PRR16: variants seen among roughly 807,000 people sequenced by gnomAD.
The protein encoded by PRR16 is protein Largen.
In PRR16, 6 loss-of-function variants were observed where a neutral mutation model predicts 18.2. That is an observed-to-expected ratio of 0.33 (90% confidence interval 0.18 to 0.65). The LOEUF (loss-of-function observed/expected upper bound fraction) is 0.65. PRR16 is among the 30% of genes least tolerant of loss of function. The pLI is 0.74. For missense variants in PRR16, 412 were observed against 376.6 expected (o/e 1.09, Z -0.78); for synonymous variants, 151 against 147.8 (o/e 1.02, Z -0.16).
the PRR16 span, among the ~76,000 whole-genome samples, chr5:120,768,135 T>C: frequency 6.6e-6 from 1 of 151,876 alleles, no homozygotes; most frequent in African/African-American, 2.4e-5. Context: ...TTTGGTCATA[T>C]CACATAAATG....
intron 1 of PRR16, among the ~76,000 whole-genome samples, chr5:120,684,120 G>A (rs1313512792): frequency 2.0e-5 from 3 of 152,208 alleles, no homozygotes; most frequent in African/African-American, 7.2e-5. Context: ...GAAGGTGAGT[G>A]AAAGGGTGAT....
At chr5:120,770,411 G>T in the PRR16 span, among the ~76,000 whole-genome samples, 1 of 151,884 alleles carries the variant, frequency 6.6e-6, no homozygotes, top group African/African-American at 2.4e-5. Context: ...ACATTATACA[G>T]AAAAATCAAC....
At chr5:120,536,396 C>A (rs1014636623) in intron 1 of PRR16, among the ~76,000 whole-genome samples, 5 of 152,144 alleles carry the variant, frequency 3.3e-5, no homozygotes, top group African/African-American at 9.7e-5. Flanking sequence ...TACAATATTG[C>A]ACATATTTTC....
chr5:120,717,964 C>T, the PRR16 span, among the ~76,000 whole-genome samples: 1 of 152,214 alleles, frequency 6.6e-6, no homozygotes, highest in East Asian at 1.9e-4. Context: ...ATTTAATATT[C>T]TGCTTTTTTC....
chr5:120,535,911 T>A (rs1211656036), intron 1 of PRR16, among the ~76,000 whole-genome samples: 1 of 152,186 alleles, frequency 6.6e-6, no homozygotes, highest in Non-Finnish European at 1.5e-5. Flanking sequence ...AAGACCAGCC[T>A]GGGCAATATA....
the PRR16 span, among the ~76,000 whole-genome samples, chr5:120,698,248 G>A: frequency 1.5e-3 from 225 of 152,030 alleles, no homozygotes; most frequent in African/African-American, 4.9e-3. Context: ...CTGTGGGGTC[G>A]TTAGAAGAAA....
intron 1 of PRR16, among the ~76,000 whole-genome samples, chr5:120,475,853 G>A (rs1462412287): frequency 5.3e-5 from 8 of 151,916 alleles, no homozygotes; most frequent in Admixed American, 5.2e-4. Flanking sequence ...CTGCCGTCTT[G>A]GAACTTATAT....
rs141890272 is a variant in PRR16 at position 120,540,845 on chromosome 5, T to C, written c.159+76200T>C. ...CTCTCTTTTTGCTCTTAATATTATA[T>C]ACTGCTACTTTCTAACGTGTCATAT... On this transcript the variant is annotated intron_variant, in intron 1 of 1. Coordinates refer to ENST00000407149, the MANE Select transcript of PRR16 (RefSeq NM_001300783.2). Among the ~76,000 whole-genome samples the C allele has an allele frequency of 7.7e-3, 1,142 of 147,524 alleles. 6 individuals carry two copies. Among genetic ancestry groups the C allele is most frequent in the Non-Finnish European group, 0.012 (807 of 65,978 alleles).
intron 1 of PRR16, among the ~76,000 whole-genome samples, chr5:120,587,567 C>T (rs1167464319): frequency 6.6e-6 from 1 of 152,142 alleles, no homozygotes; most frequent in Non-Finnish European, 1.5e-5. Context: ...AGAAATGGAA[C>T]AACAAAGCCT....
rs577177430 is a variant in PRR16, at chr5:120,563,760, A to G, written c.159+99115A>G. Among the ~76,000 whole-genome samples, 3 of 151,696 alleles carry G rather than the reference A, an allele frequency of 2.0e-5. No homozygotes were observed. In the South Asian group the frequency reaches 6.3e-4, roughly 32 times the overall value. ...CTGAGCTGCTATCTATCTGATATTT[A>G]TCTGTCTATCTGGTGTAAGACAATG... On this transcript the variant is annotated intron_variant, in intron 1 of 1. Coordinates refer to ENST00000407149, the MANE Select transcript of PRR16 (RefSeq NM_001300783.2).
At chr5:120,774,560 T>C in the PRR16 span, among the ~76,000 whole-genome samples, 1 of 152,172 alleles carries the variant, frequency 6.6e-6, no homozygotes, top group Non-Finnish European at 1.5e-5. Context: ...GGCAAGTCTC[T>C]GTTTCTCAAC....
chr5:120,750,688 A>G, the PRR16 span, among the ~76,000 whole-genome samples: 1 of 152,066 alleles, frequency 6.6e-6, no homozygotes, highest in African/African-American at 2.4e-5. Flanking sequence ...TTATGGATAC[A>G]TACATATGTG....
At chr5:120,546,272 T>C (rs941374620) in intron 1 of PRR16, among the ~76,000 whole-genome samples, 1 of 152,132 alleles carries the variant, frequency 6.6e-6, no homozygotes, top group African/African-American at 2.4e-5. Context: ...ATAAGCATGG[T>C]TAATATTCAT....
At position 120,553,229 on chromosome 5, in the gene PRR16, C is replaced by T. The variant is rs1198048492; in HGVS notation, c.159+88584C>T. 2.0e-5 allele frequency among the ~76,000 whole-genome samples: 3 copies of T among 151,682 alleles called. No individual in the cohort carries two copies. In the East Asian group the frequency reaches 5.8e-4, roughly 29 times the overall value. On this transcript the variant is annotated intron_variant, in intron 1 of 1. Transcript: ENST00000407149. The stretch of plus-strand genomic sequence containing the variant: ...ATTCATTTAATGTTTGGTAGGACTA[C>T]TAAAAAATAAATTAAGGACTAGTCT...
At chr5:120,589,046 G>C (rs924984543) in intron 1 of PRR16, among the ~76,000 whole-genome samples, 1 of 151,818 alleles carries the variant, frequency 6.6e-6, no homozygotes, top group Non-Finnish European at 1.5e-5. Flanking sequence ...ATCTCTCTGT[G>C]CTTCAATTTT....
At chr5:120,645,487 TA>T (rs1012191277) in intron 1 of PRR16, among the ~76,000 whole-genome samples, 17 of 151,578 alleles carry the variant, frequency 1.1e-4, no homozygotes, top group African/African-American at 3.9e-4. Context: ...GATCAGCTAT[TA>T]GGGGCAAAAG....
chr5:120,550,932 T>C (rs1335576790), intron 1 of PRR16, among the ~76,000 whole-genome samples: 1 of 152,024 alleles, frequency 6.6e-6, no homozygotes, highest in Non-Finnish European at 1.5e-5. Context: ...AAAAATTGTA[T>C]ATATTCAAAG....
At chr5:120,681,110 TTA>T (rs1756960273) in intron 1 of PRR16, among the ~76,000 whole-genome samples, 1 of 152,156 alleles carries the variant, frequency 6.6e-6, no homozygotes. Context: ...CTTTTATACA[TTA>T]TTTTAATCTA....
chr5:120,771,466 A>T, the PRR16 span, among the ~76,000 whole-genome samples: 1 of 152,120 alleles, frequency 6.6e-6, no homozygotes, highest in Non-Finnish European at 1.5e-5. Context: ...TCATCCCTTT[A>T]GTAGAGTGAG....
Sources: allele counts gnomAD v4.1 joint callset (sites outside exome capture counted in the v4.1 genomes callset), GRCh38; gene constraint gnomAD v4.1.1; transcripts MANE v1.5; gene names NCBI Gene and HGNC (gene_info 2026-07-23, HGNC 2026-07-21).